KLHL29: variants seen among roughly 807,000 people sequenced by gnomAD.
The protein encoded by KLHL29 is kelch like family member 29.
In KLHL29, 21 loss-of-function variants were observed where a neutral mutation model predicts 80.4. The observed-to-expected ratio is 0.26, with a 90% CI of 0.19 to 0.38. The LOEUF (loss-of-function observed/expected upper bound fraction) is 0.38, where lower values mean the gene tolerates loss of function less well. KLHL29 is among the 10% of genes least tolerant of loss of function. The probability of loss-of-function intolerance (pLI) is 1.00; values close to 1 mark genes in which losing one functional copy is unlikely to be tolerated. For synonymous variants in KLHL29, 511 were observed against 526.8 expected (o/e 0.97, Z 0.41); for missense variants, 867 against 1,223.9 (o/e 0.71, Z 4.35).
At chr2:23,698,400 C>G (rs182665967) in intron 11 of KLHL29, among the ~76,000 whole-genome samples, 6 of 152,254 alleles carry the variant, frequency 3.9e-5, no homozygotes, top group South Asian at 2.1e-4. Flanking sequence ...AGCTAGACCC[C>G]CTTCGGGTAG....
At chr2:23,541,546 T>C (rs1438947985) in intron 2 of KLHL29, among the ~76,000 whole-genome samples, 2 of 152,208 alleles carry the variant, frequency 1.3e-5, no homozygotes, top group Admixed American at 6.5e-5. Context: ...CAGGGCTGGC[T>C]GGTGGGCTGA....
intron 2 of KLHL29, among the ~76,000 whole-genome samples, chr2:23,528,118 G>C (rs974668675): frequency 7.2e-5 from 11 of 152,122 alleles, no homozygotes; most frequent in Admixed American, 6.5e-4. Context: ...TTTCTTTTTG[G>C]TTTAAAATGT....
chr2:23,552,222 C>A (rs1667148951), intron 2 of KLHL29, among the ~76,000 whole-genome samples: 1 of 152,184 alleles, frequency 6.6e-6, no homozygotes, highest in Admixed American at 6.5e-5. Context: ...CGTTTAAGTG[C>A]TCTCACTACA....
chr2:23,597,383 G>GTGTATATATA (rs1444343783), intron 3 of KLHL29, among the ~76,000 whole-genome samples: 62 of 23,580 alleles, frequency 2.6e-3, no homozygotes, highest in African/African-American at 7.8e-3. Flanking sequence ...GTGTGTGTGT[G>GTGTATATATA]TATATATATA....
intron 2 of KLHL29, among the ~76,000 whole-genome samples, chr2:23,541,024 G>A (rs529763494): frequency 1.3e-5 from 2 of 152,330 alleles, no homozygotes; most frequent in South Asian, 2.1e-4. Context: ...CAGGGGTGGG[G>A]CACAACACCC....
chr2:23,525,403 A>G (rs1045365298), intron 2 of KLHL29, among the ~76,000 whole-genome samples: 9 of 152,334 alleles, frequency 5.9e-5, no homozygotes, highest in East Asian at 5.8e-4. Context: ...TTTCTGTTCA[A>G]TGCCGTCAGT....
chr2:23,640,252 C>A (rs1669731352), intron 4 of KLHL29, among the ~76,000 whole-genome samples: 1 of 152,206 alleles, frequency 6.6e-6, no homozygotes. Flanking sequence ...ATGTTCCCTG[C>A]AGACCTGGTC....
chr2:23,570,042 G>C (rs1225333502), intron 3 of KLHL29, among the ~76,000 whole-genome samples: 1 of 152,198 alleles, frequency 6.6e-6, no homozygotes, highest in East Asian at 1.9e-4. Flanking sequence ...TCCGTGTACT[G>C]CTCCGGCTGC....
intron 6 of KLHL29, among the ~76,000 whole-genome samples, chr2:23,686,721 A>G (rs1354279455): frequency 6.6e-6 from 1 of 152,140 alleles, no homozygotes; most frequent in Non-Finnish European, 1.5e-5. Context: ...CCAGGTCCCC[A>G]GGTTGGGCCA....
chr2:23,588,795 TG>T (rs1395428367), intron 3 of KLHL29, among the ~76,000 whole-genome samples: 1 of 152,124 alleles, frequency 6.6e-6, no homozygotes, highest in African/African-American at 2.4e-5. Context: ...AGAGTGAAAT[TG>T]TGCCGGGCCT....
chr2:23,591,347 G>A (rs779986417), intron 3 of KLHL29, among the ~76,000 whole-genome samples: 11 of 152,050 alleles, frequency 7.2e-5, no homozygotes, highest in Non-Finnish European at 1.0e-4. Context: ...GTCCTGTCCC[G>A]TCCCAGGCCA....
Position 23,642,537 on chromosome 2 carries a change from G to A in KLHL29, c.627G>A (p.Pro209=), listed in dbSNP as rs374545451. 1.9e-4 allele frequency: 288 copies of A among 1,539,444 alleles called. 2 individuals carry two copies. Among genetic ancestry groups the A allele is most frequent in the African/African-American group, 2.7e-4 (20 of 72,906 alleles). Residue 209 remains proline, a synonymous_variant, in exon 5 of 14, where the codon CCG becomes CCA. Coordinates refer to ENST00000486442, the MANE Select transcript of KLHL29 (RefSeq NM_052920.2). ...LMPGHYSLPQ[P]PSQPLSSVVV... ...CAGGCCACTACTCGCTCCCTCAGCC[G>A]CCCTCTCAGCCACTGAGCAGCGTGG...
chr2:23,537,887 C>A (rs577718550), intron 2 of KLHL29, among the ~76,000 whole-genome samples: 1 of 152,236 alleles, frequency 6.6e-6, no homozygotes, highest in East Asian at 1.9e-4. Context: ...CAAAGGGTGG[C>A]AGGATTCATG....
chr2:23,547,515 G>C (rs943922681), intron 2 of KLHL29, among the ~76,000 whole-genome samples: 3 of 151,966 alleles, frequency 2.0e-5, no homozygotes, highest in South Asian at 4.2e-4. Context: ...AAAAGAGCTG[G>C]TGCATGCACA....
intron 2 of KLHL29, among the ~76,000 whole-genome samples, chr2:23,505,607 C>T (rs1315079662): frequency 6.6e-6 from 1 of 152,232 alleles, no homozygotes; most frequent in African/African-American, 2.4e-5. Flanking sequence ...AAGCCCCCAC[C>T]CAGGTCCCTT....
At chr2:23,690,732 A>G (rs1671541600) in intron 6 of KLHL29, 1 of 152,238 alleles carries the variant, frequency 6.6e-6, no homozygotes, top group Admixed American at 6.5e-5. Context: ...TCACTTATGT[A>G]TCAGTGTCAC....
At chr2:23,575,657 G>A (rs373490480) in intron 3 of KLHL29, among the ~76,000 whole-genome samples, 17 of 152,352 alleles carry the variant, frequency 1.1e-4, no homozygotes, top group African/African-American at 3.6e-4. Context: ...CTGGGTTCAC[G>A]GCCTTTTTAT....
chr2:23,512,335 CT>C (rs1316843166), intron 2 of KLHL29, among the ~76,000 whole-genome samples: 1 of 151,956 alleles, frequency 6.6e-6, no homozygotes, highest in Non-Finnish European at 1.5e-5. Flanking sequence ...ATCCCAGCTA[CT>C]TGGGAGGCTG....
chr2:23,412,133 G>GGGC (rs1666880127), intron 1 of KLHL29, among the ~76,000 whole-genome samples: 1 of 145,424 alleles, frequency 6.9e-6, no homozygotes, highest in African/African-American at 2.5e-5. Context: ...GGGGGGGGGG[G>GGGC]GGCGGTGCGG....
Sources: allele counts gnomAD v4.1 joint callset (sites outside exome capture counted in the v4.1 genomes callset), GRCh38; gene constraint gnomAD v4.1.1; transcripts MANE v1.5; gene names NCBI Gene and HGNC (gene_info 2026-07-23, HGNC 2026-07-21).